The following STIM2 variants were observed in gnomAD, a reference collection of about 807,000 sequenced individuals.
STIM2 encodes stromal interaction molecule 2.
STIM2 carries 31 observed loss-of-function variants against 85.8 expected under a neutral mutation model. The observed-to-expected ratio is 0.36, with a 90% CI of 0.27 to 0.49. The LOEUF (loss-of-function observed/expected upper bound fraction) is 0.49. Ranked by LOEUF, STIM2 falls within the 20% of genes least tolerant of loss-of-function variation. The pLI is 0.98. For missense variants in STIM2, 841 were observed against 927.6 expected, an observed-to-expected ratio of 0.91 and a Z score of 1.21; for synonymous variants, 356 against 331.1, an observed-to-expected ratio of 1.08 and a Z score of -0.82.
Position 27,022,712 on chromosome 4 carries a change from T to G in STIM2, c.1957T>G (p.Cys653Gly). 6.2e-7 allele frequency: 1 copy of G among 1,614,236 alleles called. No individual in the cohort carries two copies. The highest frequency in any genetic ancestry group is 8.5e-7 in the Non-Finnish European group (1 of 1,180,042). ...GGATGTGTCTTGGGGTTCTCCCGAC[T>G]GTGTAGGTCTGACAGAAACTAAGAG... Residue 653 changes from cysteine (C) to glycine (G), a missense_variant, in exon 12 of 12, where the codon TGT becomes GGT. By Grantham distance (159) the Cys-to-Gly change is radical. Transcript: ENST00000467087.
chr4:26,914,052 T>A (rs1218034572), intron 1 of STIM2, among the ~76,000 whole-genome samples: 1 of 152,218 alleles, frequency 6.6e-6, no homozygotes, highest in Admixed American at 6.5e-5. Flanking sequence ...CATGGATATA[T>A]TTGGAAGAAA....
intron 1 of STIM2, among the ~76,000 whole-genome samples, chr4:26,885,859 A>ATATATATATATATATATATATATG (rs1560194672): frequency 3.4e-5 from 3 of 89,432 alleles, no homozygotes; most frequent in Non-Finnish European, 4.5e-5. Flanking sequence ...ATATATATAT[A>ATATATATATATATATATATATATG]TATATATATA....
chr4:26,865,672 A>G (rs1034902560), intron 1 of STIM2, among the ~76,000 whole-genome samples: 4 of 152,178 alleles, frequency 2.6e-5, no homozygotes, highest in Admixed American at 6.5e-5. Flanking sequence ...ACTGCTAATA[A>G]TATGGATAAT....
chr4:26,935,579 T>C (rs1445898249), intron 2 of STIM2, among the ~76,000 whole-genome samples: 1 of 152,166 alleles, frequency 6.6e-6, no homozygotes, highest in African/African-American at 2.4e-5. Flanking sequence ...TTGTTAGAAA[T>C]GCAAATTCTT....
chr4:26,933,574 C>G (rs573066064), intron 2 of STIM2, among the ~76,000 whole-genome samples: 7 of 151,654 alleles, frequency 4.6e-5, no homozygotes, highest in African/African-American at 1.7e-4. Flanking sequence ...TATTATCATC[C>G]TCATATTTTT....
In STIM2 at chr4:26,860,846, A is replaced by C; in HGVS notation, c.-373A>C. On this transcript the variant is annotated 5_prime_UTR_variant, in exon 1 of 12. Transcript: ENST00000467087. ...GGTTGGTGTTTGGCGGCGCCAGAGC[A>C]GCGGATCCCGGTCTCGCCGCAGCAG... is the stretch of plus-strand genomic sequence containing the variant. 2.9e-6 allele frequency: 2 copies of C among 696,586 alleles called. No homozygotes were observed. The highest frequency in any genetic ancestry group is 3.5e-6 in the Non-Finnish European group (2 of 565,398). The allele number at this position is 696,586 out of a possible 1,614,324, so 43.2% of individuals were successfully genotyped here.
chr4:26,860,876 G>C lies in STIM2; in HGVS notation c.-343G>C. On this transcript the variant is annotated 5_prime_UTR_variant, in exon 1 of 12. Coordinates refer to ENST00000467087, the MANE Select transcript of STIM2 (RefSeq NM_020860.4). ...ATCCCGGTCTCGCCGCAGCAGCAGC[G>C]CGGGTGTCGTGCACCGCCTGAAGAC... 1 of 918,170 alleles carries C rather than the reference G, an allele frequency of 1.1e-6. No homozygotes were observed. Among genetic ancestry groups the C allele is most frequent in the Non-Finnish European group, 1.3e-6 (1 of 749,524 alleles). 56.9% of individuals were successfully genotyped at this position (918,170 alleles called of 1,614,324 possible).
chr4:26,942,857 T>C (rs1251040528), intron 2 of STIM2, among the ~76,000 whole-genome samples: 1 of 152,150 alleles, frequency 6.6e-6, no homozygotes, highest in Non-Finnish European at 1.5e-5. Flanking sequence ...ATTTCAAGGC[T>C]TTTACATACC....
chr4:27,008,278 G>T, intron 8 of STIM2, 150 bp from the exon 9 acceptor site: 1 of 525,392 alleles, frequency 1.9e-6, no homozygotes. Flanking sequence ...TTTCTTTTTT[G>T]GAATGCAGGG....
chr4:26,935,644 C>T (rs1053621178), intron 2 of STIM2, among the ~76,000 whole-genome samples: 6 of 152,158 alleles, frequency 3.9e-5, no homozygotes, highest in East Asian at 3.9e-4. Context: ...CCTAGCAATC[C>T]GTTTTAACAA....
chr4:26,988,415 AAC>A (rs1029409995), intron 3 of STIM2, among the ~76,000 whole-genome samples: 3 of 152,214 alleles, frequency 2.0e-5, no homozygotes, highest in African/African-American at 7.2e-5. Context: ...AGAAAGGAAA[AAC>A]ATTCCATATT....
At chr4:26,861,551 C>A in intron 1 of STIM2, 182 bp downstream of exon 1, 1 of 943,534 alleles carries the variant, frequency 1.1e-6, no homozygotes, top group Non-Finnish European at 1.4e-6. Context: ...CCTTTTCACC[C>A]CGACACCCCG....
intron 1 of STIM2, among the ~76,000 whole-genome samples, chr4:26,868,926 G>A (rs1419478574): frequency 6.6e-6 from 1 of 152,118 alleles, no homozygotes; most frequent in Non-Finnish European, 1.5e-5. Context: ...AGAAAGAAAA[G>A]CTAAAGTGCA....
chr4:26,982,389 CCTTT>C (rs1727434467), intron 3 of STIM2, among the ~76,000 whole-genome samples: 1 of 152,014 alleles, frequency 6.6e-6, no homozygotes, highest in South Asian at 2.1e-4. Context: ...TAATGGGAGG[CCTTT>C]CTAACTGGCT....
In STIM2 at chr4:26,946,135, T is replaced by C. The variant is rs530114897; in HGVS notation, c.283-11477T>C. Among the ~76,000 whole-genome samples, 228 of 152,338 alleles carry C rather than the reference T, an allele frequency of 1.5e-3. 1 individual carries two copies. The highest frequency in any genetic ancestry group is 0.014 in the Middle Eastern group (4 of 294). On this transcript the variant is annotated intron_variant, in intron 2 of 11. Coordinates refer to ENST00000467087, the MANE Select transcript of STIM2 (RefSeq NM_020860.4). The stretch of plus-strand genomic sequence containing the variant: ...AAGTTGAACCATAGGCAAACATTGA[T>C]GTCCTACCATGTTTCAGTTGTATAA...
intron 1 of STIM2, among the ~76,000 whole-genome samples, chr4:26,866,618 A>G (rs75279908): frequency 0.018 from 2,810 of 152,252 alleles, 98 homozygotes; most frequent in African/African-American, 0.065. Flanking sequence ...GTAGTGGGGA[A>G]TGCAAGAAGG....
intron 1 of STIM2, chr4:26,874,234 G>A (rs1722733734): frequency 6.8e-6 from 3 of 438,506 alleles, no homozygotes; most frequent in South Asian, 3.6e-5. Context: ...GCTGCGGCAG[G>A]GGTCTCCTGG....
rs1323021329 is a variant in STIM2, at chr4:26,978,464, G to A, written c.398-16915G>A. Among the ~76,000 whole-genome samples the A allele has an allele frequency of 2.0e-5, 3 of 151,990 alleles. No homozygotes were observed. In the East Asian group the frequency reaches 5.8e-4, roughly 29 times the overall value. On this transcript the variant is annotated intron_variant, in intron 3 of 11. Coordinates refer to ENST00000467087, the MANE Select transcript of STIM2 (RefSeq NM_020860.4). ...CTTAATCCACCCTGGCCCAGGTCCT[G>A]TCTTTCTCTGTTTCTTTCTGGATTT...
intron 3 of STIM2, among the ~76,000 whole-genome samples, chr4:26,985,310 T>A (rs1727543949): frequency 6.6e-6 from 1 of 152,252 alleles, no homozygotes. Context: ...CCTGCAATAC[T>A]GAACCTTAGG....
Sources: gnomAD v4.1 joint callset for allele counts (sites outside exome capture counted in the v4.1 genomes callset) on GRCh38, gnomAD v4.1.1 for gene constraint, MANE v1.5 for transcripts, NCBI Gene and HGNC (gene_info 2026-07-23, HGNC 2026-07-21) for gene names.